The following SEPTIN9 variants were observed in gnomAD, a reference collection of about 807,000 sequenced individuals.
SEPTIN9 encodes the protein septin 9, also known as septin-9.
SEPTIN9 carries 13 observed loss-of-function variants against 56.6 expected under a neutral mutation model. The ratio of observed to expected loss-of-function variants is 0.23; its 90% CI spans 0.15 to 0.37. SEPTIN9 has a LOEUF of 0.37. Among genes scored for constraint, SEPTIN9 ranks in the 10% least tolerant of loss-of-function variants. SEPTIN9 has a pLI of 1.00. For missense variants in SEPTIN9, 650 were observed against 823.1 expected (o/e 0.79, Z 2.57); for synonymous variants, 332 against 334.1 (o/e 0.99, Z 0.07).
chr17:77,373,688 C>T (rs1004435674), intron 2 of SEPTIN9: 23 of 1,381,158 alleles, frequency 1.7e-5, no homozygotes, highest in Middle Eastern at 5.3e-4. Context: ...TCCAGGCGCC[C>T]TCCCGCTGAG....
At chr17:77,339,108 C>A (rs1045069787) in intron 2 of SEPTIN9, among the ~76,000 whole-genome samples, 2 of 152,192 alleles carry the variant, frequency 1.3e-5, no homozygotes, top group African/African-American at 4.8e-5. Flanking sequence ...ACTTCCTCTG[C>A]TGAAGTCTTA....
intron 2 of SEPTIN9, among the ~76,000 whole-genome samples, chr17:77,355,030 G>C (rs571720008): frequency 6.6e-6 from 1 of 152,088 alleles, no homozygotes; most frequent in Non-Finnish European, 1.5e-5. Flanking sequence ...TTCCCATCAC[G>C]TCAGGGCCAG....
chr17:77,490,607 G>A, intron 7 of SEPTIN9, 135 bp from the exon 8 acceptor site: 2 of 701,500 alleles, frequency 2.9e-6, no homozygotes, highest in Non-Finnish European at 5.0e-6. Context: ...CTCGGCCCGG[G>A]GCCCTGTCCT....
At chr17:77,356,086 C>T (rs577120014) in intron 2 of SEPTIN9, among the ~76,000 whole-genome samples, 4 of 152,186 alleles carry the variant, frequency 2.6e-5, no homozygotes, top group African/African-American at 9.6e-5. Flanking sequence ...TCTCTAGACC[C>T]GGACATAAAC....
intron 2 of SEPTIN9, chr17:77,376,489 CTGTCACCA>C (rs1358238281): frequency 1.3e-6 from 1 of 793,232 alleles, no homozygotes; most frequent in African/African-American, 1.9e-5. Flanking sequence ...ATGTGGGTGC[CTGTCACCA>C]TGTGGGTTGC....
At chr17:77,380,275 A>C (rs7222825) in intron 2 of SEPTIN9, 25,562 of 40,074 alleles carry the variant, frequency 0.64, 6,389 homozygotes, top group Non-Finnish European at 0.67. Context: ...CCCCCCACCC[A>C]TGCCTGCCTC....
chr17:77,344,534 G>A (rs1386972965), intron 2 of SEPTIN9, among the ~76,000 whole-genome samples: 1 of 152,222 alleles, frequency 6.6e-6, no homozygotes, highest in Non-Finnish European at 1.5e-5. Flanking sequence ...TGACAGCAGG[G>A]ACTTGAACAG....
chr17:77,282,693 G>A (rs1598456409), intron 1 of SEPTIN9, among the ~76,000 whole-genome samples: 1 of 152,190 alleles, frequency 6.6e-6, no homozygotes, highest in East Asian at 1.9e-4. Flanking sequence ...ACTTTCACCC[G>A]GTTGTTGCGA....
In SEPTIN9 at chr17:77,401,210, C is replaced by T. The variant is rs193162148; in HGVS notation, c.77-849C>T. Among the ~76,000 whole-genome samples, 35 of 152,300 alleles carry T rather than the reference C, an allele frequency of 2.3e-4. 1 individual carries two copies. The highest frequency in any genetic ancestry group is 3.8e-4 in the African/African-American group (16 of 41,560). On this transcript the variant is annotated intron_variant, in intron 2 of 11. Coordinates refer to ENST00000427177, the MANE Select transcript of SEPTIN9 (RefSeq NM_001113491.2). ...GTATTCTTTACATCCCAGGGTTAAG[C>T]GGCTGCAGATGTGATGAGCTCGGTA...
chr17:77,491,064 A>G (rs2040005613), intron 8 of SEPTIN9, among the ~76,000 whole-genome samples: 1 of 152,132 alleles, frequency 6.6e-6, no homozygotes. Context: ...CAGCTCCCCC[A>G]TATCTCAAAA....
chr17:77,344,801 G>C (rs1299092547), intron 2 of SEPTIN9, among the ~76,000 whole-genome samples: 1 of 152,098 alleles, frequency 6.6e-6, no homozygotes, highest in Non-Finnish European at 1.5e-5. Flanking sequence ...GCGAAACCCT[G>C]TCTCTGCTAA....
Position 77,433,351 on chromosome 17 carries a change from G to A in SEPTIN9, c.721+30648G>A, listed in dbSNP as rs2037218087. 6.6e-6 allele frequency among the ~76,000 whole-genome samples: 1 copy of A among 152,112 alleles called. No individual in the cohort carries two copies. Among genetic ancestry groups the A allele is most frequent in the Admixed American group, 6.5e-5 (1 of 15,272 alleles). The stretch of plus-strand genomic sequence containing the variant: ...GACCTGGTGGCTCCTGCCCCAAGGA[G>A]CAGAAAGGGGGTTCGCTAGGTCAGG... On this transcript the variant is annotated intron_variant, in intron 3 of 11. Transcript: ENST00000427177. This position sits in a 1 kb window ranked among gnomAD's most constrained non-coding sequence, Gnocchi z 6.4.
At chr17:77,430,608 A>G (rs906100988) in intron 3 of SEPTIN9, among the ~76,000 whole-genome samples, 8 of 152,216 alleles carry the variant, frequency 5.3e-5, no homozygotes, top group Non-Finnish European at 1.0e-4. Context: ...GGAGCTGCCT[A>G]GGGAAGACCC....
At chr17:77,307,033 G>T in intron 1 of SEPTIN9, 108 bp from the exon 2 acceptor site, 1 of 1,073,766 alleles carries the variant, frequency 9.3e-7, no homozygotes, top group South Asian at 1.3e-5. Flanking sequence ...TCTGGCTCTG[G>T]AACTCACAGC....
At chr17:77,423,424 A>G (rs2036775917) in intron 3 of SEPTIN9, among the ~76,000 whole-genome samples, 1 of 152,180 alleles carries the variant, frequency 6.6e-6, no homozygotes, top group Non-Finnish European at 1.5e-5. Context: ...GGAACCGGCG[A>G]GGCATCTCTC....
intron 2 of SEPTIN9, among the ~76,000 whole-genome samples, chr17:77,312,104 A>T (rs2032518862): frequency 6.6e-6 from 1 of 152,074 alleles, no homozygotes; most frequent in Admixed American, 6.6e-5. Flanking sequence ...GGTCACGGTC[A>T]TGTCTTGGTT....
intron 1 of SEPTIN9, among the ~76,000 whole-genome samples, chr17:77,303,987 A>T (rs2032164254): frequency 6.6e-6 from 1 of 152,174 alleles, no homozygotes; most frequent in South Asian, 2.1e-4. Flanking sequence ...GCTAGATTTC[A>T]ATTGTCTTCT....
In SEPTIN9 at chr17:77,438,897, T is replaced by G. The variant is rs573220594; in HGVS notation, c.721+36194T>G. ...TCTGGGCTCCTCTGGACTGCTCCAGTTCTGCAATCATAGGAAAGGTCTCCC... is the reference window on the plus strand; with the variant it reads ...TCTGGGCTCCTCTGGACTGCTCCAGGTCTGCAATCATAGGAAAGGTCTCCC... On this transcript the variant is annotated intron_variant, in intron 3 of 11. Transcript: ENST00000427177. Among the ~76,000 whole-genome samples, 47 of 152,306 alleles carry G rather than the reference T, an allele frequency of 3.1e-4. 1 individual carries two copies. Among genetic ancestry groups the G allele is most frequent in the Admixed American group, 1.5e-3 (23 of 15,300 alleles).
chr17:77,454,999 C>T (rs2038133898), intron 3 of SEPTIN9, among the ~76,000 whole-genome samples: 1 of 150,958 alleles, frequency 6.6e-6, no homozygotes. Flanking sequence ...GGTGATGGCC[C>T]ATCTGTCCTC....
Sources: gnomAD v4.1 joint callset for allele counts (sites outside exome capture counted in the v4.1 genomes callset) on GRCh38, gnomAD v4.1.1 for gene constraint, Gnocchi (gnomAD v3.1) non-coding constraint, MANE v1.5 for transcripts, NCBI Gene and HGNC (gene_info 2026-07-23, HGNC 2026-07-21) for gene names.